SMIM47: variants seen among roughly 807,000 people sequenced by gnomAD.
SMIM47 encodes the protein CTD-2568A17.1.
chr19:50,786,121 C>T, the SMIM47 span: 4 of 398,684 alleles, frequency 1.0e-5, no homozygotes, highest in Non-Finnish European at 1.8e-5. Context: ...GGGACTCCAG[C>T]CACCCCTTGG....
At chr19:50,786,089 C>A in the SMIM47 span, 2 of 399,046 alleles carry the variant, frequency 5.0e-6, no homozygotes, top group Non-Finnish European at 8.8e-6. Flanking sequence ...CCCCTCCTCA[C>A]TTCCTGAAAG....
At chr19:50,785,986 T>C in the SMIM47 span, 1 of 398,918 alleles carries the variant, frequency 2.5e-6, no homozygotes, top group Admixed American at 4.4e-5. Context: ...AACAAGGCCA[T>C]GGCCAGGGTC....
chr19:50,785,954 A>C, the SMIM47 span: 1 of 398,902 alleles, frequency 2.5e-6, no homozygotes, highest in South Asian at 1.3e-4. Context: ...TGTTGAAGAA[A>C]TAGATGGAGG....
chr19:50,785,866 A>G, the SMIM47 span: 2 of 398,596 alleles, frequency 5.0e-6, no homozygotes, highest in Non-Finnish European at 8.8e-6. Flanking sequence ...TGTGGGAGAG[A>G]AAGAGAGACC....
chr19:50,785,944 TGTTGAAGAAATAGATGGAG>T, the SMIM47 span: 1 of 398,862 alleles, frequency 2.5e-6, no homozygotes, highest in South Asian at 1.3e-4. Context: ...CCGCTCACCT[TGTTGAAGAAATAGATGGAG>T]GTCAGGATGG....
the SMIM47 span, chr19:50,785,900 A>G: frequency 1.5e-5 from 6 of 398,878 alleles, no homozygotes; most frequent in Non-Finnish European, 2.6e-5. Flanking sequence ...TGGACCAGGG[A>G]GACAGAGACT....
the SMIM47 span, chr19:50,785,789 G>T: frequency 7.5e-6 from 3 of 398,718 alleles, no homozygotes; most frequent in Non-Finnish European, 4.4e-6. Context: ...CAGGGCTCTT[G>T]TGCGGGGAGG....
chr19:50,785,793 G>A, the SMIM47 span: 2 of 398,624 alleles, frequency 5.0e-6, no homozygotes, highest in Non-Finnish European at 8.8e-6. Flanking sequence ...GCTCTTGTGC[G>A]GGGAGGTCCT....
the SMIM47 span, chr19:50,786,065 C>A: frequency 2.5e-6 from 1 of 399,324 alleles, no homozygotes; most frequent in Non-Finnish European, 4.4e-6. Flanking sequence ...CCCAGGCCTC[C>A]CTTCCCTGCC....
the SMIM47 span, chr19:50,786,157 C>A: frequency 2.5e-6 from 1 of 398,558 alleles, no homozygotes; most frequent in South Asian, 1.3e-4. Context: ...TTTCCTGGGC[C>A]TCTGAGCCAG....
At chr19:50,785,989 C>T in the SMIM47 span, 1 of 398,896 alleles carries the variant, frequency 2.5e-6, no homozygotes, top group Admixed American at 4.4e-5. Flanking sequence ...AAGGCCATGG[C>T]CAGGGTCACA....
At chr19:50,785,901 G>A in the SMIM47 span, 3 of 398,906 alleles carry the variant, frequency 7.5e-6, no homozygotes, top group Non-Finnish European at 1.3e-5. Context: ...GGACCAGGGA[G>A]ACAGAGACTC....
At chr19:50,786,067 T>C in the SMIM47 span, 1 of 399,222 alleles carries the variant, frequency 2.5e-6, no homozygotes, top group Non-Finnish European at 4.4e-6. Flanking sequence ...CAGGCCTCCC[T>C]TCCCTGCCAG....
the SMIM47 span, chr19:50,785,961 G>C: frequency 5.0e-6 from 2 of 398,916 alleles, no homozygotes; most frequent in African/African-American, 2.1e-5. Flanking sequence ...GAAATAGATG[G>C]AGGTCAGGAT....
chr19:50,785,765 G>A, the SMIM47 span: 1 of 398,620 alleles, frequency 2.5e-6, no homozygotes, highest in Non-Finnish European at 4.4e-6. Flanking sequence ...TCAGAGCGAT[G>A]GCAGAGGGAG....
chr19:50,785,830 G>C, the SMIM47 span: 1 of 398,610 alleles, frequency 2.5e-6, no homozygotes, highest in Non-Finnish European at 4.4e-6. Flanking sequence ...GAGCCTGAGA[G>C]AGGAAAACAG....
the SMIM47 span, chr19:50,785,886 G>C: frequency 2.5e-6 from 1 of 399,052 alleles, no homozygotes; most frequent in Non-Finnish European, 4.4e-6. Context: ...CAAGATGACA[G>C]AACTGGACCA....
At chr19:50,785,820 G>A in the SMIM47 span, 2 of 398,578 alleles carry the variant, frequency 5.0e-6, no homozygotes, top group Non-Finnish European at 8.8e-6. Flanking sequence ...TCTCACTGCT[G>A]AGCCTGAGAG....
At chr19:50,786,132 T>C in the SMIM47 span, 1 of 398,690 alleles carries the variant, frequency 2.5e-6, no homozygotes, top group South Asian at 1.3e-4. Context: ...CACCCCTTGG[T>C]TGGTCTTCTC....
Sources: gnomAD v4.1 joint callset for allele counts on GRCh38, gnomAD v4.1.1 for gene constraint, MANE v1.5 for transcripts, NCBI Gene and HGNC (gene_info 2026-07-23, HGNC 2026-07-21) for gene names.